LNPK: variants seen among roughly 807,000 people sequenced by gnomAD.
LNPK encodes endoplasmic reticulum junction formation protein lunapark.
A neutral mutation model predicts 55.2 loss-of-function variants in LNPK; 29 were observed. That is an observed-to-expected ratio of 0.53 (90% confidence interval 0.39 to 0.72). The LOEUF (loss-of-function observed/expected upper bound fraction) is 0.72. Ranked by LOEUF, LNPK falls within the 30% of genes least tolerant of loss-of-function variation. LNPK has a pLI of 0.00. For missense variants in LNPK, 467 were observed against 494.8 expected, an observed-to-expected ratio of 0.94 and a Z score of 0.53; for synonymous variants, 162 against 168.2, an observed-to-expected ratio of 0.96 and a Z score of 0.29.
chr2:175,984,096 A>G (rs1687298957), intron 4 of LNPK, among the ~76,000 whole-genome samples: 1 of 152,170 alleles, frequency 6.6e-6, no homozygotes, highest in South Asian at 2.1e-4. Context: ...TGCTCTGCAA[A>G]AGACCCTGTT....
chr2:175,945,019 C>A (rs1685052637), intron 9 of LNPK, among the ~76,000 whole-genome samples: 2 of 151,630 alleles, frequency 1.3e-5, no homozygotes, highest in Admixed American at 6.6e-5. Context: ...CTGCCTCAGC[C>A]TCCCAAGTAG....
At chr2:175,948,843 T>C (rs1241586866) in intron 8 of LNPK, among the ~76,000 whole-genome samples, 2 of 152,150 alleles carry the variant, frequency 1.3e-5, no homozygotes, top group African/African-American at 4.8e-5. Context: ...TCTAGTCTAC[T>C]AGCTAAGAAC....
In LNPK at chr2:175,926,029, G is replaced by C. The variant is rs1683995988; in HGVS notation, c.*3938C>G. The C allele has an allele frequency of 6.6e-6, 1 of 152,170 alleles. No individual in the cohort carries two copies. The allele number at this position is 152,170 out of a possible 1,614,324, so 9.4% of individuals were successfully genotyped here. Reference sequence around the variant, plus strand: ...CACAGAATAGATAGCAAGTGCACAAGGTTGGAGACAAAGAAACCAGTTAAG... The same window carrying C: ...CACAGAATAGATAGCAAGTGCACAACGTTGGAGACAAAGAAACCAGTTAAG... On this transcript the variant is annotated 3_prime_UTR_variant, in exon 13 of 13. Transcript: ENST00000272748.
At chr2:175,971,026 T>C (rs978794787) in intron 5 of LNPK, among the ~76,000 whole-genome samples, 5 of 152,140 alleles carry the variant, frequency 3.3e-5, no homozygotes, top group Admixed American at 3.3e-4. Context: ...AAATTGACTT[T>C]ACATAGTATA....
At chr2:175,955,977 G>A (rs1685673227) in intron 8 of LNPK, among the ~76,000 whole-genome samples, 1 of 152,142 alleles carries the variant, frequency 6.6e-6, no homozygotes, top group South Asian at 2.1e-4. Context: ...AACAATAGGA[G>A]GGTCAGTTAA....
chr2:175,966,127 T>C (rs1356824635), intron 6 of LNPK, among the ~76,000 whole-genome samples: 1 of 152,114 alleles, frequency 6.6e-6, no homozygotes, highest in Non-Finnish European at 1.5e-5. Flanking sequence ...CTGGAGTGAG[T>C]GGTTTCGGCT....
At chr2:175,942,310 C>A (rs1223475824) in intron 9 of LNPK, among the ~76,000 whole-genome samples, 4 of 152,108 alleles carry the variant, frequency 2.6e-5, no homozygotes, top group African/African-American at 9.7e-5. Flanking sequence ...TATGCCATTT[C>A]TTTTAAGAGA....
At chr2:175,937,636 AT>A in intron 11 of LNPK, 122 bp from the exon 12 acceptor site, 1 of 633,296 alleles carries the variant, frequency 1.6e-6, no homozygotes, top group Non-Finnish European at 2.7e-6. Flanking sequence ...GTTACTGTGT[AT>A]GTTATTTAAA....
At chr2:175,953,358 C>T (rs1435766872) in intron 8 of LNPK, among the ~76,000 whole-genome samples, 1 of 152,080 alleles carries the variant, frequency 6.6e-6, no homozygotes, top group Non-Finnish European at 1.5e-5. Context: ...TAACCTCAAC[C>T]TTTCTCCTGA....
chr2:176,001,396 G>C (rs566902900), intron 1 of LNPK, among the ~76,000 whole-genome samples: 1 of 152,256 alleles, frequency 6.6e-6, no homozygotes, highest in South Asian at 2.1e-4. Flanking sequence ...TGATTCACGG[G>C]TCTTGCTTAG....
intron 9 of LNPK, among the ~76,000 whole-genome samples, chr2:175,942,541 A>G (rs1236733243): frequency 6.6e-6 from 1 of 152,154 alleles, no homozygotes; most frequent in Non-Finnish European, 1.5e-5. Flanking sequence ...CATCTGAAAA[A>G]TCTCCAAATA....
Position 175,932,394 on chromosome 2 carries a change from C to G in LNPK, c.1055-2195G>C, listed in dbSNP as rs562362906. Among the ~76,000 whole-genome samples, 7 of 152,224 alleles carry G rather than the reference C, an allele frequency of 4.6e-5. No individual in the cohort carries two copies. In the South Asian group the frequency reaches 1.4e-3, roughly 32 times the overall value. On this transcript the variant is annotated intron_variant, in intron 12 of 12. Coordinates refer to ENST00000272748, the MANE Select transcript of LNPK (RefSeq NM_030650.3). ...TATCATAATCAGAAAACAAGATACA[C>G]GAAGTCTTCCAGTCACTACTGTATT...
chr2:175,972,779 T>C (rs1266513914), intron 5 of LNPK, among the ~76,000 whole-genome samples: 1 of 152,236 alleles, frequency 6.6e-6, no homozygotes, highest in Non-Finnish European at 1.5e-5. Context: ...TTCACTAGTT[T>C]GAAAGGCATT....
chr2:175,962,083 G>A (rs1686063139), intron 8 of LNPK, among the ~76,000 whole-genome samples: 1 of 152,220 alleles, frequency 6.6e-6, no homozygotes, highest in Non-Finnish European at 1.5e-5. Context: ...AACATTCCAT[G>A]CTCATGGATA....
chr2:175,999,157 G>A lies in LNPK; in HGVS notation c.-63+3003C>T, dbSNP rs921128721. ...ATTAAAGGAACTGTTTTACTGTAAT[G>A]CATATGTAATAGGTGGTACTTTCTA... On this transcript the variant is annotated intron_variant, in intron 1 of 12. Transcript: ENST00000272748. 5.3e-5 allele frequency among the ~76,000 whole-genome samples: 8 copies of A among 152,154 alleles called. No individual in the cohort carries two copies. In the South Asian group the frequency reaches 1.4e-3, roughly 28 times the overall value.
intron 5 of LNPK, among the ~76,000 whole-genome samples, chr2:175,976,152 G>A (rs1431784481): frequency 6.6e-6 from 1 of 152,206 alleles, no homozygotes; most frequent in Non-Finnish European, 1.5e-5. Context: ...AAGCTAGAAA[G>A]TCAGGATATG....
intron 8 of LNPK, among the ~76,000 whole-genome samples, chr2:175,956,945 A>C (rs140460987): frequency 1.4e-3 from 216 of 152,236 alleles, no homozygotes; most frequent in African/African-American, 5.0e-3. Flanking sequence ...TCCTGCATTA[A>C]ATTTATGACT....
intron 4 of LNPK, among the ~76,000 whole-genome samples, chr2:175,986,236 G>T (rs1687404423): frequency 6.6e-6 from 1 of 151,926 alleles, no homozygotes; most frequent in Non-Finnish European, 1.5e-5. Flanking sequence ...AAATGTTCAT[G>T]AAACACTTAA....
chr2:175,937,632 G>C (rs2105529184), intron 11 of LNPK, 118 bp from the exon 12 acceptor site: 1 of 648,426 alleles, frequency 1.5e-6, no homozygotes, highest in South Asian at 2.1e-5. Flanking sequence ...AAAAGTTACT[G>C]TGTATGTTAT....
Sources: gnomAD v4.1 joint callset for allele counts (sites outside exome capture counted in the v4.1 genomes callset) on GRCh38, gnomAD v4.1.1 for gene constraint, MANE v1.5 for transcripts, NCBI Gene and HGNC (gene_info 2026-07-23, HGNC 2026-07-21) for gene names.